Variants in NRXN3 observed in about 807,000 individuals in gnomAD.
NRXN3 encodes the protein neurexin III.
A neutral mutation model predicts 137.6 loss-of-function variants in NRXN3; 32 were observed. The observed-to-expected ratio is 0.23, with a 90% confidence interval of 0.18 to 0.31. The LOEUF (loss-of-function observed/expected upper bound fraction) is 0.31. NRXN3 is among the 10% of genes least tolerant of loss of function. The pLI is 1.00. For synonymous variants in NRXN3, 798 were observed against 784.5 expected (o/e 1.02, Z -0.29); for missense variants, 1,574 against 2,062.5 (o/e 0.76, Z 4.59).
At chr14:79,408,078 A>T (rs1044440043) in intron 15 of NRXN3, among the ~76,000 whole-genome samples, 1 of 152,170 alleles carries the variant, frequency 6.6e-6, no homozygotes, top group Admixed American at 6.5e-5. Flanking sequence ...TCAAGTACAT[A>T]TACAGTATTG....
At chr14:79,479,482 A>G (rs1211005714) in intron 16 of NRXN3, among the ~76,000 whole-genome samples, 1 of 152,012 alleles carries the variant, frequency 6.6e-6, no homozygotes, top group Non-Finnish European at 1.5e-5. Flanking sequence ...AGTGTCATAG[A>G]TATAGATATA....
At chr14:79,514,323 G>A (rs1040291886) in intron 16 of NRXN3, among the ~76,000 whole-genome samples, 1 of 151,740 alleles carries the variant, frequency 6.6e-6, no homozygotes, top group African/African-American at 2.4e-5. Context: ...TAAAATTCAA[G>A]CCTCTCTCTA....
rs539630418 is a variant in NRXN3 at position 79,510,829 on chromosome 14, C to T, written c.3444+43427C>T. 1.4e-4 allele frequency among the ~76,000 whole-genome samples: 21 copies of T among 152,204 alleles called. No homozygotes were observed. The East Asian group carries it at 3.3e-3, about 24-fold the overall frequency. On this transcript the variant is annotated intron_variant, in intron 16 of 20. Transcript: ENST00000335750. ...CCAGCTTAGTCATATCTCAAGGCAG[C>T]GTGGCATGGGAGGTGGAGACTACGA... is the stretch of plus-strand genomic sequence containing the variant.
chr14:79,582,586 A>G (rs558025143), intron 16 of NRXN3, among the ~76,000 whole-genome samples: 110 of 146,240 alleles, frequency 7.5e-4, no homozygotes, highest in Admixed American at 2.7e-3. Flanking sequence ...ACGCCCAGCA[A>G]TTTTTTTTTT....
chr14:78,719,637 T>C (rs1248339492), intron 8 of NRXN3, among the ~76,000 whole-genome samples: 1 of 151,244 alleles, frequency 6.6e-6, no homozygotes, highest in Non-Finnish European at 1.5e-5. Flanking sequence ...AGGTCAGGAG[T>C]TCAAGACCAG....
At chr14:79,703,029 A>T (rs2098761400) in intron 19 of NRXN3, among the ~76,000 whole-genome samples, 1 of 152,078 alleles carries the variant, frequency 6.6e-6, no homozygotes, top group Non-Finnish European at 1.5e-5. Flanking sequence ...TGTGTTGGGC[A>T]TTGGTAAAGT....
At chr14:79,707,892 C>A (rs1861957) in intron 19 of NRXN3, among the ~76,000 whole-genome samples, 72,728 of 151,948 alleles carry the variant, frequency 0.48, 17,990 homozygotes, top group African/African-American at 0.61. Flanking sequence ...AAGACAGCAG[C>A]GATGCTCTGT....
At chr14:79,700,521 A>G (rs778711909) in intron 19 of NRXN3, among the ~76,000 whole-genome samples, 2 of 152,102 alleles carry the variant, frequency 1.3e-5, no homozygotes, top group Non-Finnish European at 2.9e-5. Flanking sequence ...TAAGCATGTC[A>G]GTCCACCAGT....
chr14:79,057,423 C>T (rs946667497), intron 15 of NRXN3, among the ~76,000 whole-genome samples: 1 of 152,022 alleles, frequency 6.6e-6, no homozygotes, highest in Non-Finnish European at 1.5e-5. Context: ...CCTTTTAATC[C>T]CTATAAATGT....
chr14:79,350,035 A>T (rs1388650532), intron 15 of NRXN3, among the ~76,000 whole-genome samples: 1 of 152,242 alleles, frequency 6.6e-6, no homozygotes, highest in African/African-American at 2.4e-5. Flanking sequence ...CCCATAATTT[A>T]TGACTAGCAT....
At chr14:79,135,824 G>A (rs956617041) in intron 15 of NRXN3, among the ~76,000 whole-genome samples, 1 of 152,200 alleles carries the variant, frequency 6.6e-6, no homozygotes, top group Admixed American at 6.5e-5. Flanking sequence ...AGGAAAGAGA[G>A]AGGTTCAGAG....
intron 15 of NRXN3, among the ~76,000 whole-genome samples, chr14:79,110,761 A>ATTTT (rs1183216226): frequency 4.3e-4 from 40 of 92,148 alleles, no homozygotes; most frequent in East Asian, 3.1e-3. Context: ...AGAAATTATT[A>ATTTT]TTTTATTTAT....
At chr14:78,813,914 C>T (rs2098923170) in intron 10 of NRXN3, among the ~76,000 whole-genome samples, 1 of 152,202 alleles carries the variant, frequency 6.6e-6, no homozygotes, top group Admixed American at 6.5e-5. Flanking sequence ...AGTTCCATGC[C>T]AAGTATTTCC....
intron 4 of NRXN3, among the ~76,000 whole-genome samples, chr14:78,348,083 G>A (rs1179712354): frequency 6.6e-6 from 1 of 152,128 alleles, no homozygotes; most frequent in East Asian, 1.9e-4. Flanking sequence ...AAACGTGTCG[G>A]AAGTCAGTTG....
At chr14:79,221,001 G>A (rs2069526429) in intron 15 of NRXN3, among the ~76,000 whole-genome samples, 1 of 151,930 alleles carries the variant, frequency 6.6e-6, no homozygotes. Flanking sequence ...AGAACATGCA[G>A]TGTTTGGTTT....
chr14:78,707,663 G>C (rs2152826009), intron 6 of NRXN3, among the ~76,000 whole-genome samples: 1 of 152,210 alleles, frequency 6.6e-6, no homozygotes, highest in Non-Finnish European at 1.5e-5. Context: ...CACCCAAGCA[G>C]TATACACTGC....
chr14:79,507,852 AG>A (rs2096893002), intron 16 of NRXN3, among the ~76,000 whole-genome samples: 1 of 152,146 alleles, frequency 6.6e-6, no homozygotes, highest in South Asian at 2.1e-4. Flanking sequence ...AGAAGTATAT[AG>A]TGTGGAAAAT....
intron 4 of NRXN3, among the ~76,000 whole-genome samples, chr14:78,433,289 A>T (rs2093955046): frequency 6.6e-6 from 1 of 152,102 alleles, no homozygotes; most frequent in African/African-American, 2.4e-5. Context: ...TGGTTCATCA[A>T]ATCCTACTTA....
At chr14:79,773,450 A>G (rs1162477216) in intron 19 of NRXN3, among the ~76,000 whole-genome samples, 1 of 152,142 alleles carries the variant, frequency 6.6e-6, no homozygotes, top group East Asian at 1.9e-4. Flanking sequence ...ATGCAGCCAT[A>G]AAAAAGGATG....
Sources: gnomAD v4.1 joint callset for allele counts (sites outside exome capture counted in the v4.1 genomes callset) on GRCh38, gnomAD v4.1.1 for gene constraint, MANE v1.5 for transcripts, NCBI Gene and HGNC (gene_info 2026-07-23, HGNC 2026-07-21) for gene names.